POLA1: variants seen among roughly 807,000 people sequenced by gnomAD.
POLA1 encodes the protein DNA polymerase alpha 1, catalytic subunit.
Under a neutral mutation model 124.0 loss-of-function variants are expected in POLA1, and 15 were observed. The observed-to-expected ratio is 0.12, with a 90% CI of 0.08 to 0.19. POLA1 has a LOEUF of 0.19. POLA1 is among the 10% of genes least tolerant of loss of function. POLA1 has a pLI of 1.00. For missense variants in POLA1, 886 were observed against 1,103.4 expected (o/e 0.80, Z 2.79); for synonymous variants, 408 against 389.4 (o/e 1.05, Z -0.56).
At chrX:24,774,994 G>T (rs1282728904) in intron 26 of POLA1, among the ~76,000 whole-genome samples, 1 of 112,116 alleles carries the variant, frequency 8.9e-6, no homozygotes, top group East Asian at 2.8e-4. Context: ...ATTTTAAACA[G>T]ATATAATCAC....
chrX:24,885,519 C>G (rs1258580815), intron 34 of POLA1, among the ~76,000 whole-genome samples: 1 of 110,685 alleles, frequency 9.0e-6, no homozygotes, highest in East Asian at 2.8e-4. Context: ...TCTTGTTTCT[C>G]TCTCTCTCCC....
At chrX:24,723,361 C>T (rs1424164336) in intron 11 of POLA1, 94 bp downstream of exon 11, 2 of 545,826 alleles carry the variant, frequency 3.7e-6, no homozygotes, top group Non-Finnish European at 6.4e-6. Context: ...AATAGGGCTA[C>T]AAATTCTCTA....
chrX:24,750,047 C>G (rs1362310877), intron 26 of POLA1, among the ~76,000 whole-genome samples: 1 of 111,757 alleles, frequency 8.9e-6, no homozygotes, highest in Non-Finnish European at 1.9e-5. Context: ...AAATGATGGC[C>G]ATCGGGGCAA....
At chrX:24,826,213 A>G (rs1417331547) in intron 31 of POLA1, among the ~76,000 whole-genome samples, 2 of 111,924 alleles carry the variant, frequency 1.8e-5, no homozygotes, top group African/African-American at 6.5e-5. Flanking sequence ...ATTCTTGGAC[A>G]CTGGATGAGA....
chrX:24,760,576 C>T (rs1054318300), intron 26 of POLA1, among the ~76,000 whole-genome samples: 3 of 112,016 alleles, frequency 2.7e-5, no homozygotes, highest in Non-Finnish European at 3.8e-5. Context: ...AAGACACATC[C>T]CTGTCAAATT....
chrX:24,751,697 A>C (rs974915832), intron 26 of POLA1, among the ~76,000 whole-genome samples: 6 of 112,226 alleles, frequency 5.3e-5, no homozygotes, highest in Non-Finnish European at 7.5e-5. Flanking sequence ...ATGATTTTTA[A>C]AGTATTGGTG....
At chrX:24,973,828 G>A (rs1329793593) in intron 36 of POLA1, among the ~76,000 whole-genome samples, 3 of 110,910 alleles carry the variant, frequency 2.7e-5, no homozygotes, top group Non-Finnish European at 5.7e-5. Flanking sequence ...TCCTAGTTGG[G>A]TACCCACCCC....
At chrX:24,730,576 C>G (rs764150888) in intron 15 of POLA1, among the ~76,000 whole-genome samples, 1 of 112,073 alleles carries the variant, frequency 8.9e-6, no homozygotes, top group Admixed American at 9.4e-5. Context: ...ATTGGGCGCT[C>G]TGGAGTAATG....
At chrX:24,864,817 CT>C (rs1240615109) in intron 34 of POLA1, among the ~76,000 whole-genome samples, 1 of 108,706 alleles carries the variant, frequency 9.2e-6, no homozygotes, top group Non-Finnish European at 1.9e-5. Flanking sequence ...TATAGTCGTT[CT>C]TTTATTTGGC....
At chrX:24,938,906 A>G (rs1325831390) in intron 36 of POLA1, among the ~76,000 whole-genome samples, 1 of 112,602 alleles carries the variant, frequency 8.9e-6, no homozygotes. Context: ...CATCTTCTTC[A>G]AGATAGCTAA....
At chrX:24,919,833 T>TG (rs2047589401) in intron 35 of POLA1, among the ~76,000 whole-genome samples, 1 of 82,468 alleles carries the variant, frequency 1.2e-5, no homozygotes, top group African/African-American at 5.2e-5. Flanking sequence ...TTTTTTTTTG[T>TG]TTTGTTTTTC....
intron 6 of POLA1, among the ~76,000 whole-genome samples, chrX:24,715,610 TA>T (rs1280296631): frequency 8.9e-6 from 1 of 112,123 alleles, no homozygotes; most frequent in East Asian, 2.8e-4. Context: ...CAGAATTTTT[TA>T]AAATGTAAGA....
intron 36 of POLA1, among the ~76,000 whole-genome samples, chrX:24,985,211 C>T (rs964621856): frequency 4.4e-5 from 5 of 112,399 alleles, no homozygotes; most frequent in Non-Finnish European, 9.4e-5. Context: ...TATGAAGAGT[C>T]AGATAGTAGT....
At chrX:24,845,585 T>G (rs11573438) in intron 34 of POLA1, among the ~76,000 whole-genome samples, 7,233 of 111,551 alleles carry the variant, frequency 0.065, 449 homozygotes, top group African/African-American at 0.19. Context: ...CTCCTAGAGG[T>G]ACATGGCATT....
chrX:24,989,942 T>C (rs1409787639), intron 36 of POLA1, among the ~76,000 whole-genome samples: 1 of 111,908 alleles, frequency 8.9e-6, no homozygotes, highest in Non-Finnish European at 1.9e-5. Context: ...ATTTTGCTAG[T>C]TGTTCAGCGT....
chrX:24,919,843 C>CT (rs2047590234), intron 35 of POLA1, among the ~76,000 whole-genome samples: 11 of 20,651 alleles, frequency 5.3e-4, no homozygotes, highest in African/African-American at 7.1e-4. Context: ...TTTTGTTTTT[C>CT]TGTTTTTTTT....
intron 10 of POLA1, among the ~76,000 whole-genome samples, chrX:24,718,285 G>A (rs1472934685): frequency 9.0e-6 from 1 of 111,671 alleles, no homozygotes; most frequent in Non-Finnish European, 1.9e-5. Flanking sequence ...GGGCACATTA[G>A]CAGTAAATGA....
chrX:24,725,120 G>A (rs981129617), intron 12 of POLA1, among the ~76,000 whole-genome samples: 38 of 110,235 alleles, frequency 3.4e-4, no homozygotes, highest in African/African-American at 1.3e-3. Context: ...TGCTGAGGCC[G>A]GACTGCTTGT....
chrX:24,946,260 G>T (rs1036971995), intron 36 of POLA1, among the ~76,000 whole-genome samples: 1 of 111,033 alleles, frequency 9.0e-6, no homozygotes, highest in Non-Finnish European at 1.9e-5. Context: ...GCAGCCTTCC[G>T]CAACTTTATA....
Sources: allele counts gnomAD v4.1 joint callset (sites outside exome capture counted in the v4.1 genomes callset), GRCh38; gene constraint gnomAD v4.1.1; transcripts MANE v1.5; gene names NCBI Gene and HGNC (gene_info 2026-07-23, HGNC 2026-07-21).